Variants in MAP3K5 observed in about 807,000 individuals in gnomAD.
The protein encoded by MAP3K5 is mitogen-activated protein kinase kinase kinase 5, also known as ASK-1.
Under a neutral mutation model 158.7 loss-of-function variants are expected in MAP3K5, and 56 were observed. The observed-to-expected ratio is 0.35, with a 90% CI of 0.28 to 0.44. The LOEUF (loss-of-function observed/expected upper bound fraction) is 0.44. MAP3K5 is among the 20% of genes least tolerant of loss of function. MAP3K5 has a pLI of 1.00. For missense variants in MAP3K5, 1,294 were observed against 1,674.8 expected (o/e 0.77, Z 3.97); for synonymous variants, 579 against 601.7 (o/e 0.96, Z 0.55).
chr6:136,571,039 C>T (rs1774338353), intron 25 of MAP3K5, among the ~76,000 whole-genome samples: 1 of 152,134 alleles, frequency 6.6e-6, no homozygotes, highest in Non-Finnish European at 1.5e-5. Context: ...CCATTTTACC[C>T]ACTCTCTCTC....
chr6:136,648,480 T>A lies in MAP3K5; in HGVS notation c.1788+2504A>T, dbSNP rs896554383. 1.4e-4 allele frequency among the ~76,000 whole-genome samples: 22 copies of A among 152,302 alleles called. 1 individual carries two copies. Among genetic ancestry groups the A allele is most frequent in the African/African-American group, 5.1e-4 (21 of 41,572 alleles). ...GCTGCTCGGTATTGCTCAGTGCTACTAGATGGACTTGGTGTTGAGAGCATG... is the reference window on the plus strand; with the variant it reads ...GCTGCTCGGTATTGCTCAGTGCTACAAGATGGACTTGGTGTTGAGAGCATG... On this transcript the variant is annotated intron_variant, in intron 11 of 29. Coordinates refer to ENST00000359015, the MANE Select transcript of MAP3K5 (RefSeq NM_005923.4).
At chr6:136,690,327 T>C (rs1780333215) in intron 7 of MAP3K5, among the ~76,000 whole-genome samples, 1 of 152,200 alleles carries the variant, frequency 6.6e-6, no homozygotes, top group African/African-American at 2.4e-5. Flanking sequence ...TTTTTTTTTA[T>C]GTTAAAACTT....
chr6:136,668,659 A>G (rs1779334266), intron 8 of MAP3K5, among the ~76,000 whole-genome samples: 1 of 152,196 alleles, frequency 6.6e-6, no homozygotes, highest in Non-Finnish European at 1.5e-5. Context: ...TTTGTTCACT[A>G]AGATGCCCTA....
At chr6:136,626,830 G>A (rs1403299315) in intron 14 of MAP3K5, among the ~76,000 whole-genome samples, 1 of 151,950 alleles carries the variant, frequency 6.6e-6, no homozygotes, top group Non-Finnish European at 1.5e-5. Context: ...TCATAAGCAT[G>A]TGTAATAGGT....
Position 136,792,268 on chromosome 6 carries a change from GCGCCGCGCCCTCGC to G in MAP3K5, c.-125_-112del. ...CGCCGGGCTAAGCAGCTGCCATCGC[GCGCCGCGCCCTCGC>G]CGCCGCGCCGCCGCCTCCTCTCCGG... On this transcript the variant is annotated 5_prime_UTR_variant, in exon 1 of 30. Transcript: ENST00000359015. This position sits in a 1 kb window ranked among gnomAD's most constrained non-coding sequence, Gnocchi z 5.7. The G allele has an allele frequency of 8.5e-7, 1 of 1,180,518 alleles. No homozygotes were observed. Among genetic ancestry groups the G allele is most frequent in the Non-Finnish European group, 1.0e-6 (1 of 959,272 alleles). The allele number at this position is 1,180,518 out of a possible 1,614,324, so 73.1% of individuals were successfully genotyped here. A position where few individuals can be genotyped will look rare whatever the true frequency, so the allele number is the denominator to read the frequency against.
At chr6:136,726,328 C>T (rs993909680) in intron 1 of MAP3K5, among the ~76,000 whole-genome samples, 1 of 152,214 alleles carries the variant, frequency 6.6e-6, no homozygotes, top group African/African-American at 2.4e-5. Flanking sequence ...TATAGAATAT[C>T]TCACCTGTAA....
chr6:136,724,051 G>A lies in MAP3K5; in HGVS notation c.449-3462C>T, dbSNP rs140849578. Among the ~76,000 whole-genome samples, 158 of 152,138 alleles carry A rather than the reference G, an allele frequency of 1.0e-3. No individual in the cohort carries two copies. In the East Asian group the frequency reaches 0.028, roughly 27 times the overall value. On this transcript the variant is annotated intron_variant, in intron 1 of 29. Transcript: ENST00000359015. ...AATCACATTGCTTTAAAATCAAGAA[G>A]CTGTGTAACGTGGGGCTGGAAGAAA...
chr6:136,635,981 AT>A (rs1777615607), intron 14 of MAP3K5, among the ~76,000 whole-genome samples: 1 of 152,192 alleles, frequency 6.6e-6, no homozygotes, highest in African/African-American at 2.4e-5. Flanking sequence ...ATGAGATGAC[AT>A]TATCAAAGTG....
intron 1 of MAP3K5, among the ~76,000 whole-genome samples, chr6:136,769,767 GGAAGGA>G (rs1784106418): frequency 4.7e-5 from 2 of 42,618 alleles, no homozygotes; most frequent in Non-Finnish European, 9.0e-5. Context: ...AAGGAAGGAA[GGAAGGA>G]AGGAAGGAAG....
intron 14 of MAP3K5, among the ~76,000 whole-genome samples, chr6:136,635,594 A>G (rs1777585249): frequency 6.6e-6 from 1 of 152,024 alleles, no homozygotes; most frequent in Non-Finnish European, 1.5e-5. Flanking sequence ...AGAGTTAACA[A>G]CTAGCTATTA....
chr6:136,625,610 T>C (rs1776996932), intron 14 of MAP3K5, among the ~76,000 whole-genome samples: 1 of 152,222 alleles, frequency 6.6e-6, no homozygotes, highest in South Asian at 2.1e-4. Context: ...TTAACACTTA[T>C]TATAATACTC....
chr6:136,592,414 C>A, intron 22 of MAP3K5, 23 bp downstream of exon 22: 1 of 1,611,910 alleles, frequency 6.2e-7, no homozygotes, highest in South Asian at 1.1e-5. Context: ...ACTTCTCTCA[C>A]CCCAAGTAAG....
chr6:136,740,396 T>A (rs1782660741), intron 1 of MAP3K5, among the ~76,000 whole-genome samples: 1 of 152,240 alleles, frequency 6.6e-6, no homozygotes. Flanking sequence ...TGTTTACTTA[T>A]GATTTCTTAC....
intron 15 of MAP3K5, among the ~76,000 whole-genome samples, chr6:136,620,717 C>T (rs531865652): frequency 6.6e-6 from 1 of 152,332 alleles, no homozygotes; most frequent in Admixed American, 6.5e-5. Flanking sequence ...ACTTTGAATA[C>T]ACAACACACA....
chr6:136,599,168 A>AGGGGG (rs60470020), intron 21 of MAP3K5, among the ~76,000 whole-genome samples: 1 of 121,692 alleles, frequency 8.2e-6, no homozygotes, highest in African/African-American at 3.0e-5. Flanking sequence ...CAAAAAAAAA[A>AGGGGG]GGGGGGGGGG....
intron 1 of MAP3K5, among the ~76,000 whole-genome samples, chr6:136,761,275 T>C (rs1028280693): frequency 2.0e-5 from 2 of 97,914 alleles, no homozygotes; most frequent in Admixed American, 1.0e-4. Flanking sequence ...ATAAAGAAAA[T>C]AGACCCTAAC....
chr6:136,715,795 C>T (rs1781491815), intron 2 of MAP3K5, among the ~76,000 whole-genome samples: 1 of 151,984 alleles, frequency 6.6e-6, no homozygotes, highest in South Asian at 2.1e-4. Context: ...CTTTGGGAGG[C>T]CAACGGGGGC....
intron 21 of MAP3K5, among the ~76,000 whole-genome samples, chr6:136,599,042 GC>G (rs1243625454): frequency 1.3e-5 from 2 of 151,914 alleles, no homozygotes; most frequent in East Asian, 3.9e-4. Flanking sequence ...GTGGTAGTGG[GC>G]ACCTACAGTC....
intron 10 of MAP3K5, among the ~76,000 whole-genome samples, chr6:136,655,117 A>T (rs903927033): frequency 6.6e-6 from 1 of 152,242 alleles, no homozygotes; most frequent in Non-Finnish European, 1.5e-5. Context: ...TATGACAGAC[A>T]AATTCATATG....
Sources: gnomAD v4.1 joint callset for allele counts (sites outside exome capture counted in the v4.1 genomes callset) on GRCh38, gnomAD v4.1.1 for gene constraint, Gnocchi (gnomAD v3.1) non-coding constraint, MANE v1.5 for transcripts, NCBI Gene and HGNC (gene_info 2026-07-23, HGNC 2026-07-21) for gene names.